Variants in CLEC4D observed in about 807,000 individuals in gnomAD.
The protein encoded by CLEC4D is C-type lectin domain family 4 member D.
A neutral mutation model predicts 21.1 loss-of-function variants in CLEC4D; 21 were observed. The observed-to-expected ratio is 1.00, with a 90% CI of 0.71 to 1.43. The LOEUF is 1.43. CLEC4D is among the 40% of genes most tolerant of loss of function. CLEC4D has a pLI of 0.00. For synonymous variants in CLEC4D, 85 were observed against 83.1 expected, an observed-to-expected ratio of 1.02 and a Z score of -0.12; for missense variants, 289 against 260.7, an observed-to-expected ratio of 1.11 and a Z score of -0.75.
At position 8,515,265 on chromosome 12, in the gene CLEC4D, C is replaced by T; in HGVS notation, c.58C>T (p.Pro20Ser). The T allele has an allele frequency of 1.3e-6, 2 of 1,530,184 alleles. No homozygotes were observed. The highest frequency in any genetic ancestry group is 1.4e-5 in the African/African-American group (1 of 72,966). 94.8% of individuals were successfully genotyped at this position (1,530,184 alleles called of 1,614,324 possible). ...AGGAGGCATGCATCCCCAGCTGATA[C>T]CTTCGGTTATTGCTGTAGTTTTCAT... ...LEGGMHPQLI[P>S]SVIAVVFILL... is the part of the protein sequence containing the mutation. The change falls in exon 2 of 6, where the codon CCT (proline) becomes TCT (serine). Residue 20 changes from proline to serine, a missense_variant. Physicochemically the swap from Pro to Ser is moderately conservative, Grantham distance 74 (BLOSUM62 -1). Transcript: ENST00000299665.
chr12:8,517,370 A>G (rs1410172733), intron 2 of CLEC4D, among the ~76,000 whole-genome samples: 1 of 152,012 alleles, frequency 6.6e-6, no homozygotes, highest in African/African-American at 2.4e-5. Flanking sequence ...ACATATGCAT[A>G]CATGTGCCAT....
chr12:8,531,452 TTC>T, the CLEC4D span, among the ~76,000 whole-genome samples: 1 of 152,334 alleles, frequency 6.6e-6, no homozygotes, highest in East Asian at 1.9e-4. Context: ...TGTTTTTTAC[TTC>T]AGAGGGACCT....
intron 1 of CLEC4D, among the ~76,000 whole-genome samples, chr12:8,513,987 A>G (rs1236429359): frequency 2.0e-5 from 3 of 152,128 alleles, no homozygotes; most frequent in Admixed American, 6.6e-5. Flanking sequence ...GATAAAATAT[A>G]TAAAAGAGAA....
the CLEC4D span, among the ~76,000 whole-genome samples, chr12:8,529,780 A>G: frequency 6.6e-6 from 1 of 152,228 alleles, no homozygotes; most frequent in East Asian, 1.9e-4. Context: ...TAGTGATAGC[A>G]GGGGGATGGG....
chr12:8,527,132 T>C (rs1335671634), downstream of CLEC4D, among the ~76,000 whole-genome samples: 5 of 152,158 alleles, frequency 3.3e-5, no homozygotes, highest in East Asian at 3.9e-4. Context: ...CACTCCTGTA[T>C]AGGGTGTCTG....
chr12:8,524,233 C>A (rs934107328), downstream of CLEC4D, among the ~76,000 whole-genome samples: 4 of 152,030 alleles, frequency 2.6e-5, no homozygotes, highest in Non-Finnish European at 5.9e-5. Flanking sequence ...GGGAGGAGTC[C>A]CTCCTTTTCA....
the CLEC4D span, among the ~76,000 whole-genome samples, chr12:8,530,269 C>T: frequency 6.6e-6 from 1 of 152,100 alleles, no homozygotes; most frequent in Non-Finnish European, 1.5e-5. Flanking sequence ...AAGAACAAAA[C>T]TATAGCAGCT....
At position 8,521,340 on chromosome 12, in the gene CLEC4D, G is replaced by A. The variant is rs1940456053; in HGVS notation, c.*69G>A. 1.0e-5 allele frequency: 16 copies of A among 1,534,216 alleles called. No individual in the cohort carries two copies. Among genetic ancestry groups the A allele is most frequent in the East Asian group, 4.5e-5 (2 of 44,106 alleles). ...CCAATTAGAATAAGGCAGAATGTAC[G>A]TGCGTCATTGGAACACAGAAAACAT... On this transcript the variant is annotated 3_prime_UTR_variant, in exon 6 of 6. Transcript: ENST00000299665.
chr12:8,520,826 T>C (rs1437911509), intron 5 of CLEC4D, among the ~76,000 whole-genome samples: 2 of 152,214 alleles, frequency 1.3e-5, no homozygotes, highest in African/African-American at 4.8e-5. Flanking sequence ...CCAAATCTTA[T>C]CATTTCAACA....
the CLEC4D span, among the ~76,000 whole-genome samples, chr12:8,527,466 C>T: frequency 2.6e-5 from 4 of 152,042 alleles, no homozygotes; most frequent in Non-Finnish European, 5.9e-5. Context: ...TGAAGAGGCA[C>T]TCTGGCCGCA....
At chr12:8,524,519 TTG>T (rs1343365348), downstream of CLEC4D, among the ~76,000 whole-genome samples, 1 of 152,178 alleles carries the variant, frequency 6.6e-6, no homozygotes, top group Non-Finnish European at 1.5e-5. Context: ...TGATGGGGGT[TTG>T]TATTTCTGTG....
chr12:8,515,946 A>C (rs922618768), intron 2 of CLEC4D, among the ~76,000 whole-genome samples: 25 of 152,130 alleles, frequency 1.6e-4, no homozygotes, highest in African/African-American at 6.0e-4. Flanking sequence ...AATAAAGGAG[A>C]GCTTGGTTAC....
chr12:8,518,325 C>A (rs1174544287), intron 3 of CLEC4D, 51 bp downstream of exon 3: 2 of 784,172 alleles, frequency 2.6e-6, no homozygotes, highest in Admixed American at 2.1e-5. Flanking sequence ...CGTTCAAATT[C>A]ATAGTCTGAC....
downstream of CLEC4D, among the ~76,000 whole-genome samples, chr12:8,524,893 AT>A (rs1437023855): frequency 6.6e-6 from 1 of 152,076 alleles, no homozygotes; most frequent in Admixed American, 6.6e-5. Context: ...ATTCTGGTAC[AT>A]TGTATCTTTG....
At chr12:8,519,346 T>C (rs1940427934) in intron 4 of CLEC4D, among the ~76,000 whole-genome samples, 186 bp downstream of exon 4, 1 of 152,222 alleles carries the variant, frequency 6.6e-6, no homozygotes, top group African/African-American at 2.4e-5. Flanking sequence ...ATTTGATTCA[T>C]ATGTTATTTC....
Position 8,521,253 on chromosome 12 carries a change from T to A in CLEC4D, c.630T>A (p.Pro210=). ...AAGCAAGTAGGATTTGTAAAATACC[T>A]GGAACAACATTGAACTAGAAACTCA... is the stretch of plus-strand genomic sequence containing the variant. ...NFEASRICKI[P]GTTLN is the part of the protein sequence containing the mutation. Residue 210 remains proline, a synonymous_variant, in exon 6 of 6, where the codon CCT becomes CCA. Transcript: ENST00000299665. The A allele has an allele frequency of 1.9e-6, 3 of 1,610,554 alleles. No individual in the cohort carries two copies. The highest frequency in any genetic ancestry group is 2.5e-6 in the Non-Finnish European group (3 of 1,178,534).
chr12:8,527,700 C>T, the CLEC4D span, among the ~76,000 whole-genome samples: 2 of 152,238 alleles, frequency 1.3e-5, no homozygotes, highest in Non-Finnish European at 2.9e-5. Context: ...CAGCCACAGC[C>T]AGTGCTGGTC....
At chr12:8,517,649 C>T (rs192892668) in intron 2 of CLEC4D, among the ~76,000 whole-genome samples, 4 of 152,190 alleles carry the variant, frequency 2.6e-5, no homozygotes, top group Admixed American at 6.5e-5. Context: ...AAACTTCTCC[C>T]GTAAAGAACA....
chr12:8,518,111 C>G (rs1291806557), intron 2 of CLEC4D, 53 bp from the exon 3 acceptor site: 2 of 751,342 alleles, frequency 2.7e-6, no homozygotes, highest in African/African-American at 3.5e-5. Context: ...CCCTATTTCC[C>G]TAATTAGTGG....
Sources: gnomAD v4.1 joint callset for allele counts (sites outside exome capture counted in the v4.1 genomes callset) on GRCh38, gnomAD v4.1.1 for gene constraint, MANE v1.5 for transcripts, NCBI Gene and HGNC (gene_info 2026-07-23, HGNC 2026-07-21) for gene names.